The following ZNF362 variants were observed in gnomAD, a reference collection of about 807,000 sequenced individuals.
ZNF362 encodes the protein rotund homolog.
A neutral mutation model predicts 42.9 loss-of-function variants in ZNF362; 11 were observed. The ratio of observed to expected loss-of-function variants is 0.26; its 90% CI spans 0.16 to 0.42. The LOEUF (loss-of-function observed/expected upper bound fraction) is 0.42. Among genes scored for constraint, ZNF362 ranks in the 20% least tolerant of loss-of-function variants. The probability of loss-of-function intolerance (pLI) is 1.00; values close to 1 mark genes in which losing one functional copy is unlikely to be tolerated. For synonymous variants in ZNF362, 255 were observed against 257.3 expected (o/e 0.99, Z 0.09); for missense variants, 362 against 576.2 (o/e 0.63, Z 3.81).
At chr1:33,236,118 G>A in the ZNF362 span, among the ~76,000 whole-genome samples, 2 of 152,022 alleles carry the variant, frequency 1.3e-5, no homozygotes, top group Admixed American at 6.6e-5. Flanking sequence ...TTTATAGGAC[G>A]GGCTCATAGT....
chr1:33,247,486 C>A, the ZNF362 span, among the ~76,000 whole-genome samples: 1 of 152,232 alleles, frequency 6.6e-6, no homozygotes, highest in South Asian at 2.1e-4. Flanking sequence ...TAGCCTTATC[C>A]CCCTCTGCCT....
chr1:33,258,756 A>G (rs1436131526), intron 1 of ZNF362, among the ~76,000 whole-genome samples: 1 of 152,152 alleles, frequency 6.6e-6, no homozygotes, highest in East Asian at 1.9e-4. Flanking sequence ...CTTTCCTGAG[A>G]GAATTGAACT....
chr1:33,189,811 G>A, the ZNF362 span, among the ~76,000 whole-genome samples: 5 of 149,914 alleles, frequency 3.3e-5, no homozygotes, highest in African/African-American at 9.8e-5. Flanking sequence ...TTAAGAAACC[G>A]ATGTGAGGTT....
chr1:33,258,280 G>A (rs1287869207), intron 1 of ZNF362, among the ~76,000 whole-genome samples: 1 of 152,166 alleles, frequency 6.6e-6, no homozygotes, highest in African/African-American at 2.4e-5. Context: ...ACAAGGTCTG[G>A]GGTGACTGGT....
chr1:33,216,599 C>A, the ZNF362 span, among the ~76,000 whole-genome samples: 213 of 71,812 alleles, frequency 3.0e-3, no homozygotes, highest in African/African-American at 8.6e-3. Context: ...GACTCTGTCT[C>A]AAAAAAAAAA....
chr1:33,286,061 T>TCAAAAAACAAAAAAA (rs1301876900), intron 6 of ZNF362, among the ~76,000 whole-genome samples: 4 of 151,888 alleles, frequency 2.6e-5, no homozygotes, highest in African/African-American at 9.7e-5. Flanking sequence ...AGACCCTGTC[T>TCAAAAAACAAAAAAA]CAAAAAACAA....
At chr1:33,159,547 G>T in the ZNF362 span, 1 of 1,252,220 alleles carries the variant, frequency 8.0e-7, no homozygotes, top group African/African-American at 1.5e-5. The surrounding 1 kb of genome is among the most constrained non-coding windows in gnomAD (Gnocchi z 4.2). Context: ...CCTACCCATA[G>T]CAGATGTCCC....
upstream of ZNF362, among the ~76,000 whole-genome samples, chr1:33,254,243 C>T (rs556661072): frequency 7.2e-5 from 11 of 152,238 alleles, no homozygotes; most frequent in African/African-American, 2.4e-4. Flanking sequence ...TCTTCTGCCT[C>T]AGACTCCTGA....
the ZNF362 span, chr1:33,181,573 G>C: frequency 7.2e-7 from 1 of 1,385,722 alleles, no homozygotes; most frequent in Non-Finnish European, 9.4e-7. The surrounding 1 kb of genome is among the most constrained non-coding windows in gnomAD (Gnocchi z 6.5). Context: ...GAGAAGGGAG[G>C]GGGTGCTGTC....
chr1:33,167,363 C>T, the ZNF362 span, among the ~76,000 whole-genome samples: 1 of 152,128 alleles, frequency 6.6e-6, no homozygotes, highest in Non-Finnish European at 1.5e-5. The surrounding 1 kb of genome is among the most constrained non-coding windows in gnomAD (Gnocchi z 4.2). Context: ...TGCCTTATGC[C>T]CAGGGACTCA....
chr1:33,198,932 A>G, the ZNF362 span, among the ~76,000 whole-genome samples: 1 of 152,206 alleles, frequency 6.6e-6, no homozygotes, highest in African/African-American at 2.4e-5. Context: ...TTGACACTGC[A>G]GAAGAACAGA....
intron 4 of ZNF362, among the ~76,000 whole-genome samples, chr1:33,279,666 C>T (rs1175635678): frequency 2.0e-5 from 3 of 148,378 alleles, no homozygotes; most frequent in Non-Finnish European, 3.0e-5. Flanking sequence ...TTTTATTACT[C>T]CTGATCTACT....
chr1:33,279,258 C>T (rs1645973076), intron 4 of ZNF362, among the ~76,000 whole-genome samples: 1 of 152,082 alleles, frequency 6.6e-6, no homozygotes. Flanking sequence ...CTTCTGGGCT[C>T]AAGTGATACT....
chr1:33,294,001 A>G lies in ZNF362; in HGVS notation c.909-936A>G, dbSNP rs190283464. 7.5e-4 allele frequency among the ~76,000 whole-genome samples: 114 copies of G among 152,264 alleles called. No individual in the cohort carries two copies. Among genetic ancestry groups the G allele is most frequent in the Middle Eastern group, 6.8e-3 (2 of 294 alleles). The stretch of plus-strand genomic sequence containing the variant: ...TGTTGTTTTTCCCACAGAACTTACT[A>G]CCTTCTACATGTGATTTACTTATTT... On this transcript the variant is annotated intron_variant, in intron 6 of 8. Transcript: ENST00000539719. The surrounding 1 kb of genome is among the most constrained non-coding windows in gnomAD (Gnocchi z 4.2).
chr1:33,283,825 A>C (rs1246309006), intron 6 of ZNF362, among the ~76,000 whole-genome samples: 1 of 152,212 alleles, frequency 6.6e-6, no homozygotes, highest in African/African-American at 2.4e-5. Flanking sequence ...TAGTTTCAGC[A>C]ATTTTCTGAT....
the ZNF362 span, among the ~76,000 whole-genome samples, chr1:33,245,784 T>C: frequency 6.6e-6 from 1 of 152,066 alleles, no homozygotes; most frequent in Non-Finnish European, 1.5e-5. Context: ...CAAAAAATTT[T>C]TAAAAATTAG....
chr1:33,223,383 T>C, the ZNF362 span, among the ~76,000 whole-genome samples: 2 of 152,232 alleles, frequency 1.3e-5, no homozygotes, highest in Non-Finnish European at 1.5e-5. Context: ...CACGTGGAAC[T>C]GTAAGTCCAA....
the ZNF362 span, chr1:33,145,813 G>A: frequency 2.1e-6 from 1 of 468,560 alleles, no homozygotes. Flanking sequence ...GGATGCTGTG[G>A]CAGAAAAACG....
At chr1:33,146,941 C>T in the ZNF362 span, 1 of 561,264 alleles carries the variant, frequency 1.8e-6, no homozygotes, top group Non-Finnish European at 3.2e-6. Flanking sequence ...CATGTCACAT[C>T]CTTGGATCAA....
Sources: allele counts gnomAD v4.1 joint callset (sites outside exome capture counted in the v4.1 genomes callset), GRCh38; gene constraint gnomAD v4.1.1; non-coding constraint Gnocchi (gnomAD v3.1); transcripts MANE v1.5; gene names NCBI Gene and HGNC (gene_info 2026-07-23, HGNC 2026-07-21).